RFXANK: variants seen among roughly 807,000 people sequenced by gnomAD.
RFXANK encodes the protein DNA-binding protein RFXANK.
In RFXANK, 19 loss-of-function variants were observed where a neutral mutation model predicts 34.5. The observed-to-expected ratio is 0.55, with a 90% CI of 0.38 to 0.81. RFXANK has a LOEUF of 0.81. Among genes scored for constraint, RFXANK ranks in the 30% least tolerant of loss-of-function variants. The pLI, the probability that RFXANK is intolerant of heterozygous loss-of-function variation, is 0.00. For missense variants in RFXANK, 295 were observed against 343.5 expected, an observed-to-expected ratio of 0.86 and a Z score of 1.12; for synonymous variants, 154 against 149.8, an observed-to-expected ratio of 1.03 and a Z score of -0.20.
Position 19,199,249 on chromosome 19 carries a change from CACAG to C in RFXANK, c.712+17_712+20del, listed in dbSNP as rs781304685. 1.2e-6 allele frequency: 2 copies of C among 1,613,472 alleles called. No individual in the cohort carries two copies. Among genetic ancestry groups the C allele is most frequent in the East Asian group, 2.2e-5 (1 of 44,876 alleles). ...ATACCGGAAAGGTCAGCCTGAGACA[CACAG>C]AGCAGGGGTGGGGTCCCTTCCATAG... On this transcript the variant is annotated intron_variant, in intron 9 of 9. Transcript: ENST00000303088.
Position 19,197,056 on chromosome 19 carries a change from C to T in RFXANK, c.271+10C>T, listed in dbSNP as rs1449264917. 1.2e-6 allele frequency: 2 copies of T among 1,613,356 alleles called. No individual in the cohort carries two copies. The highest frequency in any genetic ancestry group is 3.3e-5 in the Admixed American group (2 of 60,010). ...CCGGCCACCCTAGACTGTGAGTGGG[C>T]CCACGGTCCCCAACAAGGAGAGGAG... On this transcript the variant is annotated intron_variant, in intron 4 of 9. Coordinates refer to ENST00000303088, the MANE Select transcript of RFXANK (RefSeq NM_003721.4).
intron 2 of RFXANK, among the ~76,000 whole-genome samples, chr19:19,193,693 C>T (rs149101630): frequency 2.0e-5 from 3 of 152,202 alleles, no homozygotes; most frequent in South Asian, 2.1e-4. Flanking sequence ...GGATTACAGC[C>T]GTGAGCCACT....
In RFXANK at chr19:19,198,694, A is replaced by T. The variant is rs1599785560; in HGVS notation, c.602A>T (p.Asn201Ile). 6.2e-7 allele frequency: 1 copy of T among 1,614,006 alleles called. No individual in the cohort carries two copies. Among genetic ancestry groups the T allele is most frequent in the Non-Finnish European group, 8.5e-7 (1 of 1,180,050 alleles). ...CCACTGCTGTACGCTGTGCGCGGGA[A>T]CCACGTGAAATGCGTTGAGGCCTTG... ...GTPLLYAVRG[N>I]HVKCVEALLA... Residue 201 changes from asparagine to isoleucine, a missense_variant, in exon 8 of 10, where the codon AAC (asparagine) becomes ATC (isoleucine). By Grantham distance (149) the Asn-to-Ile change is moderately radical. Transcript: ENST00000303088.
chr19:19,194,358 G>A (rs554537783), intron 3 of RFXANK, among the ~76,000 whole-genome samples: 3 of 152,246 alleles, frequency 2.0e-5, no homozygotes, highest in African/African-American at 7.2e-5. Flanking sequence ...TCAGCCTCCT[G>A]AGTAGCTGGG....
rs115767273 is a variant in RFXANK, at chr19:19,201,315, C to G, written c.713-334C>G. On this transcript the variant is annotated intron_variant, in intron 9 of 9. Coordinates refer to ENST00000303088, the MANE Select transcript of RFXANK (RefSeq NM_003721.4). ...CTGGCCTCAAATTCCTGAGCTCAAG[C>G]AGTCCTCCCCACTGGACCTCCCAAA... 4.2e-4 allele frequency: 286 copies of G among 683,714 alleles called. No homozygotes were observed. The African/African-American group carries it at 4.4e-3, about 11-fold the overall frequency. The allele number at this position is 683,714 out of a possible 1,614,324, so 42.4% of individuals were successfully genotyped here.
intron 3 of RFXANK, among the ~76,000 whole-genome samples, chr19:19,196,361 A>G (rs1467127227): frequency 2.6e-5 from 4 of 151,550 alleles, no homozygotes; most frequent in African/African-American, 9.7e-5. Flanking sequence ...GGAGTTTGAG[A>G]CCAGCCTGGG....
intron 3 of RFXANK, 33 bp from the exon 4 acceptor site, chr19:19,196,928 TGA>T: frequency 6.3e-7 from 1 of 1,586,774 alleles, no homozygotes; most frequent in Non-Finnish European, 8.6e-7. Flanking sequence ...AGACATCTAC[TGA>T]GGGGAAACTG....
intron 9 of RFXANK, among the ~76,000 whole-genome samples, chr19:19,200,523 G>A (rs189005256): frequency 1.1e-4 from 16 of 151,100 alleles, no homozygotes; most frequent in African/African-American, 3.9e-4. Flanking sequence ...TGTTGCCCAG[G>A]CTGGTCTCAA....
intron 3 of RFXANK, 50 bp from the exon 4 acceptor site, chr19:19,196,913 C>T (rs1280715270): frequency 2.6e-6 from 4 of 1,535,602 alleles, no homozygotes; most frequent in Non-Finnish European, 3.6e-6. Flanking sequence ...GTCCTGAAGC[C>T]TCAGAGACAT....
rs772154823 is a variant in RFXANK, at chr19:19,198,691, G to C, written c.599G>C (p.Gly200Ala). The C allele has an allele frequency of 6.8e-6, 11 of 1,613,976 alleles. No homozygotes were observed. Among genetic ancestry groups the C allele is most frequent in the Non-Finnish European group, 8.5e-6 (10 of 1,180,056 alleles). Residue 200 changes from glycine (G) to alanine (A), a missense_variant, in exon 8 of 10, where the codon GGG becomes GCG. Coordinates refer to ENST00000303088, the MANE Select transcript of RFXANK (RefSeq NM_003721.4). ...ACGCCACTGCTGTACGCTGTGCGCG[G>C]GAACCACGTGAAATGCGTTGAGGCC... is the stretch of plus-strand genomic sequence containing the variant. The part of the protein sequence containing the change: ...GGTPLLYAVR[G>A]NHVKCVEALL...
At chr19:19,200,625 T>G (rs1421038870) in intron 9 of RFXANK, among the ~76,000 whole-genome samples, 1 of 151,558 alleles carries the variant, frequency 6.6e-6, no homozygotes, top group Admixed American at 6.6e-5. Context: ...TTTTAAAATC[T>G]TTTTTATTTA....
intron 3 of RFXANK, among the ~76,000 whole-genome samples, chr19:19,196,706 A>G (rs762939403): frequency 1.3e-5 from 2 of 152,088 alleles, no homozygotes; most frequent in Non-Finnish European, 2.9e-5. Flanking sequence ...CTCTACTTAA[A>G]ATACAAAAAT....
At chr19:19,197,887 C>T (rs1490557571) in intron 6 of RFXANK, among the ~76,000 whole-genome samples, 1 of 152,040 alleles carries the variant, frequency 6.6e-6, no homozygotes, top group Non-Finnish European at 1.5e-5. Context: ...TGGTGGGTGC[C>T]TGTAATCCCA....
At chr19:19,198,012 CAAA>C (rs368350482) in intron 6 of RFXANK, 92 bp from the exon 7 acceptor site, 1,203 of 1,356,278 alleles carry the variant, frequency 8.9e-4, no homozygotes, top group Middle Eastern at 1.0e-3. Flanking sequence ...ACTCTATCTC[CAAA>C]AAAAAAAAAA....
chr19:19,199,489 G>A (rs563361617), intron 9 of RFXANK, among the ~76,000 whole-genome samples: 17 of 152,276 alleles, frequency 1.1e-4, no homozygotes, highest in Non-Finnish European at 2.2e-4. Flanking sequence ...ATGAGAGGCC[G>A]AAAGAGGGGC....
Position 19,192,319 on chromosome 19 carries a change from C to T in RFXANK, c.-385C>T. On this transcript the variant is annotated 5_prime_UTR_variant, in exon 1 of 10. Transcript: ENST00000303088. ...GAAGGAGGCACACCCGGGGGTGGCG[C>T]AGTGAGGAGGGGGCGCGACGGCCAG... The T allele has an allele frequency of 1.5e-6, 1 of 663,300 alleles. No homozygotes were observed. Among genetic ancestry groups the T allele is most frequent in the Admixed American group, 2.9e-5 (1 of 34,558 alleles). The allele number at this position is 663,300 out of a possible 1,614,324, so 41.1% of individuals were successfully genotyped here.
chr19:19,197,211 A>G lies in RFXANK; in HGVS notation c.297A>G (p.Ala99=). The change falls in exon 5 of 10, where the codon GCA becomes GCG. Residue 99 remains alanine, a synonymous_variant. Coordinates refer to ENST00000303088, the MANE Select transcript of RFXANK (RefSeq NM_003721.4). Reference sequence around the variant, plus strand: ...CCCTGTCCATCCACCAGCTCGCAGCACAGGGGGAGCTGGACCAGCTGAAGG... The same window carrying G: ...CCCTGTCCATCCACCAGCTCGCAGCGCAGGGGGAGCTGGACCAGCTGAAGG... ...LDSLSIHQLA[A]QGELDQLKEH... 6.2e-7 allele frequency: 1 copy of G among 1,613,748 alleles called. No individual in the cohort carries two copies. The highest frequency in any genetic ancestry group is 8.5e-7 in the Non-Finnish European group (1 of 1,180,026).
chr19:19,200,026 G>C (rs754582173), intron 9 of RFXANK, among the ~76,000 whole-genome samples: 1 of 152,028 alleles, frequency 6.6e-6, no homozygotes, highest in Non-Finnish European at 1.5e-5. Context: ...AGAAAGTCTT[G>C]CTCTATCACC....
chr19:19,194,035 A>G lies in RFXANK; in HGVS notation c.89A>G (p.Glu30Gly), dbSNP rs778890706. Residue 30 changes from glutamate to glycine, a missense_variant, in exon 3 of 10, where the codon GAG becomes GGG. By Grantham distance (98) the Glu-to-Gly change is moderately conservative. Transcript: ENST00000303088. ...ELGDPEDPGE[E>G]AADGSDTVVL... ...GGGGACCCTGAAGACCCCGGAGAGG[A>G]GGCTGCAGATGGCTCAGACACTGTG... 12 of 1,614,130 alleles carry G rather than the reference A, an allele frequency of 7.4e-6. No individual in the cohort carries two copies. In the South Asian group the frequency reaches 9.9e-5, roughly 13 times the overall value.
Sources: allele counts gnomAD v4.1 joint callset (sites outside exome capture counted in the v4.1 genomes callset), GRCh38; gene constraint gnomAD v4.1.1; transcripts MANE v1.5; gene names NCBI Gene and HGNC (gene_info 2026-07-23, HGNC 2026-07-21).